The following GLT1D1 variants were observed in gnomAD, a reference collection of about 807,000 sequenced individuals.
The protein encoded by GLT1D1 is glycosyltransferase 1 domain containing 1.
In GLT1D1, 21 loss-of-function variants were observed where a neutral mutation model predicts 28.7. The observed-to-expected ratio is 0.73, with a 90% CI of 0.52 to 1.05. The LOEUF (loss-of-function observed/expected upper bound fraction) is 1.05, where lower values mean the gene tolerates loss of function less well. Ranked by LOEUF, GLT1D1 falls within the 50% of genes least tolerant of loss-of-function variation. The probability of loss-of-function intolerance (pLI) is 0.00; values close to 1 mark genes in which losing one functional copy is unlikely to be tolerated. For missense variants in GLT1D1, 343 were observed against 330.6 expected (o/e 1.04, Z -0.29); for synonymous variants, 147 against 124.8 (o/e 1.18, Z -1.19).
rs117796565 is a variant in GLT1D1 at position 128,971,253 on chromosome 12, T to C, written c.640-11676T>C. Among the ~76,000 whole-genome samples, 564 of 152,248 alleles carry C rather than the reference T, an allele frequency of 3.7e-3. 1 individual carries two copies. Among genetic ancestry groups the C allele is most frequent in the Non-Finnish European group, 6.6e-3 (449 of 68,020 alleles). Reference sequence around the variant, plus strand: ...CCTGGGTGCTTAGATCCCATGTAAATGCTTTTGGCTTAGAAATTGTCTTTC... The same window carrying C: ...CCTGGGTGCTTAGATCCCATGTAAACGCTTTTGGCTTAGAAATTGTCTTTC... On this transcript the variant is annotated intron_variant, in intron 7 of 7. Coordinates refer to ENST00000281703, the MANE Select transcript of GLT1D1 (RefSeq NM_144669.3).
intron 7 of GLT1D1, among the ~76,000 whole-genome samples, chr12:128,962,076 C>T: frequency 8.3e-6 from 1 of 120,328 alleles, no homozygotes; most frequent in African/African-American, 3.1e-5. Context: ...TGTCTGTGCC[C>T]CGTCCCCCTC....
rs1268517254 is a variant in GLT1D1 at position 128,964,983 on chromosome 12, G to A, written c.639+7340G>A. Reference sequence around the variant, plus strand: ...AGGGAAGGAATGGCCTAAATGAAAGGGAACTCAGATGTAAGGAGCATGGGA... The same window carrying A: ...AGGGAAGGAATGGCCTAAATGAAAGAGAACTCAGATGTAAGGAGCATGGGA... On this transcript the variant is annotated intron_variant, in intron 7 of 7. Coordinates refer to ENST00000281703, the MANE Select transcript of GLT1D1 (RefSeq NM_144669.3). 2.6e-5 allele frequency among the ~76,000 whole-genome samples: 4 copies of A among 152,174 alleles called. No homozygotes were observed. The East Asian group carries it at 5.8e-4, about 22-fold the overall frequency.
At chr12:128,876,577 A>G (rs1325592186) in intron 2 of GLT1D1, among the ~76,000 whole-genome samples, 2 of 152,074 alleles carry the variant, frequency 1.3e-5, no homozygotes, top group African/African-American at 4.8e-5. Flanking sequence ...CAGCCTCCCA[A>G]AGTGCTGGGA....
chr12:128,893,638 T>G (rs186524876), intron 3 of GLT1D1, among the ~76,000 whole-genome samples: 1 of 152,224 alleles, frequency 6.6e-6, no homozygotes, highest in African/African-American at 2.4e-5. Flanking sequence ...CAGGCTGGAG[T>G]GCAGTGGTGC....
intron 4 of GLT1D1, among the ~76,000 whole-genome samples, chr12:128,937,540 A>G (rs556469381): frequency 3.0e-4 from 45 of 152,238 alleles, no homozygotes; most frequent in African/African-American, 1.0e-3. Context: ...ATCTCAGAGG[A>G]TGAATAGGTT....
intron 4 of GLT1D1, 27 bp from the exon 7 acceptor site, chr12:128,926,332 A>G (rs941844185): frequency 1.6e-6 from 2 of 1,274,362 alleles, no homozygotes; most frequent in African/African-American, 3.0e-5. Context: ...CTCCCCACTG[A>G]AAACATTCTG....
At chr12:128,954,111 T>TTTTTTGTTTTTG (rs1206502062) in intron 6 of GLT1D1, among the ~76,000 whole-genome samples, 1 of 150,868 alleles carries the variant, frequency 6.6e-6, no homozygotes. Flanking sequence ...TCACCTGTTT[T>TTTTTTGTTTTTG]TTTTTGTTTT....
At chr12:128,926,066 T>C (rs1056841280) in intron 4 of GLT1D1, among the ~76,000 whole-genome samples, 3 of 151,924 alleles carry the variant, frequency 2.0e-5, no homozygotes, top group Admixed American at 1.3e-4. Context: ...GGTGCATGCC[T>C]ATAATCCCAG....
At chr12:128,899,179 AG>A in intron 3 of GLT1D1, 56 bp from the exon 4 acceptor site, 1 of 1,283,582 alleles carries the variant, frequency 7.8e-7, no homozygotes, top group Non-Finnish European at 1.1e-6. Context: ...GCTGTTTCAT[AG>A]TTCTTTTAAT....
chr12:128,979,111 A>G (rs1880078218), intron 7 of GLT1D1, among the ~76,000 whole-genome samples: 1 of 152,218 alleles, frequency 6.6e-6, no homozygotes, highest in Non-Finnish European at 1.5e-5. Context: ...CCCAGCTGCT[A>G]TTCAAGATGG....
At chr12:128,945,019 TC>T in intron 4 of GLT1D1, 2 of 614,274 alleles carry the variant, frequency 3.3e-6, no homozygotes, top group South Asian at 3.9e-5. Flanking sequence ...ATTGTTCAAT[TC>T]CCACCTATGA....
At chr12:128,859,773 T>C (rs1213156901) in intron 1 of GLT1D1, among the ~76,000 whole-genome samples, 1 of 152,164 alleles carries the variant, frequency 6.6e-6, no homozygotes, top group Non-Finnish European at 1.5e-5. Flanking sequence ...TGAACAGGAC[T>C]TGGCAGTTGA....
At chr12:128,859,476 C>T (rs1956305921) in intron 1 of GLT1D1, among the ~76,000 whole-genome samples, 2 of 152,312 alleles carry the variant, frequency 1.3e-5, no homozygotes, top group Middle Eastern at 3.4e-3. Context: ...ACTTCGCTGT[C>T]ACCACTAGTG....
At chr12:128,868,495 G>A (rs1040842563) in intron 1 of GLT1D1, among the ~76,000 whole-genome samples, 1 of 152,096 alleles carries the variant, frequency 6.6e-6, no homozygotes, top group Non-Finnish European at 1.5e-5. Flanking sequence ...AAGGGAAATG[G>A]GAAACGCAGG....
At chr12:128,856,084 G>A (rs1266974092) in intron 1 of GLT1D1, among the ~76,000 whole-genome samples, 1 of 152,080 alleles carries the variant, frequency 6.6e-6, no homozygotes. Context: ...ATTTCTTGAT[G>A]ATATGCTAAA....
chr12:128,949,526 C>T (rs921492061), intron 6 of GLT1D1, among the ~76,000 whole-genome samples: 15 of 152,078 alleles, frequency 9.9e-5, no homozygotes, highest in Admixed American at 8.5e-4. Context: ...TGTATTTTCC[C>T]ATGGAAGCAT....
intron 1 of GLT1D1, chr12:128,864,284 C>T (rs899324642): frequency 3.1e-5 from 14 of 455,444 alleles, no homozygotes; most frequent in Middle Eastern, 3.0e-4. Flanking sequence ...CTTAGTCCTG[C>T]ACTAGGGGTG....
chr12:128,909,688 G>A (rs780825422), intron 4 of GLT1D1, among the ~76,000 whole-genome samples: 4 of 152,240 alleles, frequency 2.6e-5, no homozygotes, highest in Non-Finnish European at 4.4e-5. Flanking sequence ...AGAATGGGAA[G>A]TTCTTTGGTT....
intron 7 of GLT1D1, among the ~76,000 whole-genome samples, chr12:128,963,950 A>G (rs866091799): frequency 2.0e-5 from 3 of 152,218 alleles, no homozygotes; most frequent in Admixed American, 6.5e-5. Context: ...ACAGAATACT[A>G]TAGACTGGGG....
Sources: gnomAD v4.1 joint callset for allele counts (sites outside exome capture counted in the v4.1 genomes callset) on GRCh38, gnomAD v4.1.1 for gene constraint, MANE v1.5 for transcripts, NCBI Gene and HGNC (gene_info 2026-07-23, HGNC 2026-07-21) for gene names.